Variants in OVCH1 observed in about 807,000 individuals in gnomAD.
OVCH1 encodes the protein ovochymase 1.
OVCH1 carries 139 observed loss-of-function variants against 138.4 expected under a neutral mutation model. The observed-to-expected ratio is 1.00, with a 90% CI of 0.87 to 1.16. The LOEUF (loss-of-function observed/expected upper bound fraction) is 1.16, where lower values mean the gene tolerates loss of function less well. OVCH1 is among the 50% of genes most tolerant of loss of function. OVCH1 has a pLI of 0.00. For synonymous variants in OVCH1, 453 were observed against 467.8 expected (o/e 0.97, Z 0.41); for missense variants, 1,367 against 1,357.9 (o/e 1.01, Z -0.11).
chr12:29,444,370 C>A, intron 23 of OVCH1, 90 bp from the exon 24 acceptor site: 2 of 1,317,072 alleles, frequency 1.5e-6, no homozygotes, highest in South Asian at 1.5e-5. Context: ...AAACAGCTCT[C>A]TTCCCTAATT....
chr12:29,412,830 A>G (rs1307614674), intron 3 of OVCH1: 1 of 152,196 alleles, frequency 6.6e-6, no homozygotes, highest in Non-Finnish European at 1.5e-5. Context: ...CTCTAGAAAT[A>G]GCTACTTTGA....
At chr12:29,405,412 G>T in the OVCH1 span, among the ~76,000 whole-genome samples, 1 of 152,174 alleles carries the variant, frequency 6.6e-6, no homozygotes, top group Non-Finnish European at 1.5e-5. Flanking sequence ...TACCCTGGTA[G>T]CTTTGCCAAG....
chr12:29,488,888 A>G (rs1301064069), intron 6 of OVCH1, among the ~76,000 whole-genome samples: 1 of 152,180 alleles, frequency 6.6e-6, no homozygotes, highest in African/African-American at 2.4e-5. Context: ...AAGCGGCATA[A>G]GTGTACGTTT....
chr12:29,444,880 TAAAAG>T lies in OVCH1; in HGVS notation c.2881+393_2881+397del, dbSNP rs149274158. 4.2e-3 allele frequency among the ~76,000 whole-genome samples: 635 copies of T among 152,152 alleles called. 5 individuals carry two copies. Among genetic ancestry groups the T allele is most frequent in the African/African-American group, 0.015 (606 of 41,552 alleles). On this transcript the variant is annotated intron_variant, in intron 23 of 27. Transcript: ENST00000318184. Reference sequence around the variant, plus strand: ...TTACTCTAATCTTTTATTACATCACTAAAAGAAAATTCTAATCAGAGATAATAAAT... The same window carrying T: ...TTACTCTAATCTTTTATTACATCACTAAAATTCTAATCAGAGATAATAAAT...
chr12:29,471,778 T>A (rs1478625063), intron 16 of OVCH1, 24 bp downstream of exon 16: 1 of 1,589,502 alleles, frequency 6.3e-7, no homozygotes, highest in Non-Finnish European at 8.6e-7. Context: ...CTAAATAGGT[T>A]GGTAAAATAC....
intron 8 of OVCH1, among the ~76,000 whole-genome samples, chr12:29,483,276 G>C (rs1191887568): frequency 6.6e-6 from 1 of 151,696 alleles, no homozygotes; most frequent in Non-Finnish European, 1.5e-5. Flanking sequence ...TCTAATAAAG[G>C]AGTTTCTTAA....
At chr12:29,424,902 AATT>A (rs1171018346), downstream of OVCH1, among the ~76,000 whole-genome samples, 1 of 152,234 alleles carries the variant, frequency 6.6e-6, no homozygotes, top group African/African-American at 2.4e-5. Context: ...TTTTACAGCA[AATT>A]ATTAGACAGA....
chr12:29,417,330 G>A (rs2135879168), intron 3 of OVCH1, among the ~76,000 whole-genome samples: 1 of 151,998 alleles, frequency 6.6e-6, no homozygotes, highest in Non-Finnish European at 1.5e-5. Flanking sequence ...AGGCATGGTG[G>A]CATGCACCTG....
intron 16 of OVCH1, among the ~76,000 whole-genome samples, chr12:29,470,883 G>T (rs970569565): frequency 7.9e-5 from 12 of 152,058 alleles, no homozygotes; most frequent in African/African-American, 2.7e-4. Flanking sequence ...AGCATCTGTT[G>T]TTTCCTGACT....
At chr12:29,446,808 T>C (rs1339127001) in intron 22 of OVCH1, among the ~76,000 whole-genome samples, 1 of 152,038 alleles carries the variant, frequency 6.6e-6, no homozygotes, top group Non-Finnish European at 1.5e-5. Flanking sequence ...TATTTCAGCA[T>C]GATTTTTAAA....
chr12:29,444,609 A>G (rs574350297), intron 23 of OVCH1, among the ~76,000 whole-genome samples: 2 of 152,194 alleles, frequency 1.3e-5, no homozygotes, highest in African/African-American at 4.8e-5. Context: ...AAACTTTCAT[A>G]TGATATAAAT....
intron 3 of OVCH1, among the ~76,000 whole-genome samples, chr12:29,415,667 TAAGTG>T (rs1941022659): frequency 6.6e-6 from 1 of 152,154 alleles, no homozygotes; most frequent in South Asian, 2.1e-4. Flanking sequence ...AAGATCTAAA[TAAGTG>T]GAGAGACATA....
chr12:29,485,894 G>A (rs947824277), intron 8 of OVCH1, among the ~76,000 whole-genome samples: 10 of 151,670 alleles, frequency 6.6e-5, no homozygotes, highest in Non-Finnish European at 1.5e-4. Flanking sequence ...AGTGAGCAGA[G>A]ACTGCTTGCC....
At chr12:29,437,088 C>T (rs1345963127) in intron 26 of OVCH1, among the ~76,000 whole-genome samples, 3 of 152,158 alleles carry the variant, frequency 2.0e-5, no homozygotes, top group Non-Finnish European at 4.4e-5. Context: ...CTGATTGGTG[C>T]ATTTTTACAG....
chr12:29,487,823 C>A lies in OVCH1; in HGVS notation c.762G>T (p.Gly254=), dbSNP rs770561376. The A allele has an allele frequency of 8.7e-6, 14 of 1,610,126 alleles. No individual in the cohort carries two copies. In the South Asian group the frequency reaches 1.3e-4, roughly 15 times the overall value. The change falls in exon 7 of 28, where the codon GGG becomes GGT. Residue 254 remains glycine (G), a synonymous_variant. Transcript: ENST00000318184. ...CACAACCAGCTACCCAGGAAGTTAT[C>A]CCAGCAAGAATCCAGATTCCACCAC...
Position 29,445,268 on chromosome 12 carries a change from C to G in OVCH1, c.2881+10G>C, listed in dbSNP as rs1423425020. ...TAGCCTTTACAAGTTTATAAAATAA[C>G]CAAACATACCTAGGACTTTCAAGAC... On this transcript the variant is annotated intron_variant, in intron 23 of 27. Transcript: ENST00000318184. 6.2e-7 allele frequency: 1 copy of G among 1,601,214 alleles called. No homozygotes were observed. Among genetic ancestry groups the G allele is most frequent in the East Asian group, 2.2e-5 (1 of 44,712 alleles).
At chr12:29,427,848 C>T (rs182964860) in intron 27 of OVCH1, among the ~76,000 whole-genome samples, 1 of 152,232 alleles carries the variant, frequency 6.6e-6, no homozygotes, top group East Asian at 1.9e-4. Context: ...AAATGCAAAT[C>T]CCTTCACTGT....
At chr12:29,449,489 C>T (rs947977610) in intron 22 of OVCH1, among the ~76,000 whole-genome samples, 9 of 151,988 alleles carry the variant, frequency 5.9e-5, no homozygotes, top group Admixed American at 5.2e-4. Flanking sequence ...GCTTTCTATC[C>T]ATGACCATGG....
At chr12:29,436,841 C>T (rs773445773) in intron 26 of OVCH1, among the ~76,000 whole-genome samples, 17 of 152,152 alleles carry the variant, frequency 1.1e-4, no homozygotes, top group African/African-American at 3.9e-4. Context: ...AGAGGTAGTG[C>T]GGACCCAAAG....
Sources: gnomAD v4.1 joint callset for allele counts (sites outside exome capture counted in the v4.1 genomes callset) on GRCh38, gnomAD v4.1.1 for gene constraint, MANE v1.5 for transcripts, NCBI Gene and HGNC (gene_info 2026-07-23, HGNC 2026-07-21) for gene names.